Variants in NOXRED1 observed in about 807,000 individuals in gnomAD.
NOXRED1 encodes the protein NADP dependent oxidoreductase domain containing 1.
In NOXRED1, 20 loss-of-function variants were observed where a neutral mutation model predicts 30.4. That is an observed-to-expected ratio of 0.66 (90% confidence interval 0.46 to 0.96). The LOEUF is 0.96. Ranked by LOEUF, NOXRED1 falls within the 40% of genes least tolerant of loss-of-function variation. The pLI, the probability that NOXRED1 is intolerant of heterozygous loss-of-function variation, is 0.00. For synonymous variants in NOXRED1, 155 were observed against 168.0 expected (o/e 0.92, Z 0.60); for missense variants, 374 against 428.0 (o/e 0.87, Z 1.11).
At chr14:77,414,688 A>G (rs1894765034) in intron 1 of NOXRED1, among the ~76,000 whole-genome samples, 1 of 152,192 alleles carries the variant, frequency 6.6e-6, no homozygotes, top group Non-Finnish European at 1.5e-5. Flanking sequence ...TTTTAAATGA[A>G]CATACTTTGT....
intron 1 of NOXRED1, among the ~76,000 whole-genome samples, chr14:77,421,141 T>C (rs1894983949): frequency 6.6e-6 from 1 of 152,188 alleles, no homozygotes; most frequent in South Asian, 2.1e-4. Context: ...AAGCCACAAA[T>C]TAGGCATTTT....
chr14:77,415,478 G>A (rs991828822), intron 1 of NOXRED1, among the ~76,000 whole-genome samples: 2 of 151,930 alleles, frequency 1.3e-5, no homozygotes, highest in Non-Finnish European at 2.9e-5. Context: ...GCTGAGGCAG[G>A]AGAATCTCTT....
chr14:77,406,957 C>G, intron 3 of NOXRED1, 82 bp from the exon 4 acceptor site: 1 of 1,263,550 alleles, frequency 7.9e-7, no homozygotes, highest in Non-Finnish European at 1.1e-6. Flanking sequence ...ACATCCAACC[C>G]CATCAACAGA....
chr14:77,419,699 C>A (rs1026655698), intron 1 of NOXRED1, among the ~76,000 whole-genome samples: 8 of 151,880 alleles, frequency 5.3e-5, no homozygotes, highest in African/African-American at 1.7e-4. Flanking sequence ...CCGCCCCCCT[C>A]AGCCTCCCAA....
intron 2 of NOXRED1, among the ~76,000 whole-genome samples, chr14:77,409,351 A>G (rs1400872953): frequency 6.6e-6 from 1 of 152,070 alleles, no homozygotes; most frequent in East Asian, 1.9e-4. Flanking sequence ...AGTTCTCATG[A>G]GAGCTGATGG....
intron 5 of NOXRED1, 146 bp downstream of exon 5, chr14:77,405,767 T>C: frequency 1.6e-6 from 1 of 608,694 alleles, no homozygotes; most frequent in Non-Finnish European, 2.9e-6. Flanking sequence ...GGATGGCATT[T>C]ACTTTTCCAC....
intron 2 of NOXRED1, among the ~76,000 whole-genome samples, chr14:77,412,980 A>G (rs2139688025): frequency 6.6e-6 from 1 of 152,158 alleles, no homozygotes; most frequent in Admixed American, 6.5e-5. Context: ...CCTTGTAGAC[A>G]AATTTTCTAC....
chr14:77,408,892 A>ATTTTTTTTTTGTTTTTTTTTTTTTT (rs1894556904), intron 2 of NOXRED1, among the ~76,000 whole-genome samples: 1 of 68,154 alleles, frequency 1.5e-5, no homozygotes, highest in Non-Finnish European at 2.7e-5. Flanking sequence ...CTGGTAGTTA[A>ATTTTTTTTTTGTTTTTTTTTTTTTT]TTTTTTTTTT....
chr14:77,400,644 A>G (rs1278860542), intron 5 of NOXRED1, among the ~76,000 whole-genome samples: 1 of 152,200 alleles, frequency 6.6e-6, no homozygotes, highest in Admixed American at 6.5e-5. Context: ...TGAGCCTTTC[A>G]CTGAATACAC....
chr14:77,413,353 G>A (rs1235621962), intron 2 of NOXRED1, among the ~76,000 whole-genome samples: 2 of 150,796 alleles, frequency 1.3e-5, no homozygotes, highest in Non-Finnish European at 2.9e-5. Flanking sequence ...ATTCTCCTGC[G>A]TCAGCCTCCT....
intron 1 of NOXRED1, among the ~76,000 whole-genome samples, chr14:77,415,399 A>T (rs1454848295): frequency 6.6e-6 from 1 of 152,000 alleles, no homozygotes; most frequent in Admixed American, 6.6e-5. Flanking sequence ...GTGAAACCCC[A>T]TCTCTATTAA....
intron 1 of NOXRED1, among the ~76,000 whole-genome samples, chr14:77,415,631 T>TAGATAGATAGATAGACAGACAGACAGAC (rs1555363632): frequency 7.1e-6 from 1 of 141,314 alleles, no homozygotes; most frequent in African/African-American, 2.7e-5. Flanking sequence ...GATAGATAGA[T>TAGATAGATAGATAGACAGACAGACAGAC]AGACAGACAG....
intron 1 of NOXRED1, among the ~76,000 whole-genome samples, chr14:77,417,924 T>G (rs1894874640): frequency 6.6e-6 from 1 of 152,052 alleles, no homozygotes; most frequent in South Asian, 2.1e-4. Context: ...ATTTTCTTTT[T>G]GTTGTTGGTA....
intron 1 of NOXRED1, among the ~76,000 whole-genome samples, chr14:77,419,730 G>A (rs1482588278): frequency 6.6e-6 from 1 of 151,836 alleles, no homozygotes; most frequent in Non-Finnish European, 1.5e-5. Context: ...TTACAGGCGT[G>A]AGCCACCACA....
At chr14:77,421,338 C>T (rs176781) in intron 1 of NOXRED1, among the ~76,000 whole-genome samples, 66,310 of 152,018 alleles carry the variant, frequency 0.44, 16,896 homozygotes, top group East Asian at 0.93. Flanking sequence ...GTTAGTGTCT[C>T]GAGGTTACAG....
rs1566708952 is a variant in NOXRED1 at position 77,406,864 on chromosome 14, A to T, written c.542T>A (p.Leu181Gln). Reference sequence around the variant, plus strand: ...CCGCAAGATATTGGTGTGGTTCAACAGTAGTTTCAGCCTGGAAGTAAAGCC... The same window carrying T: ...CCGCAAGATATTGGTGTGGTTCAACTGTAGTTTCAGCCTGGAAGTAAAGCC... Reference protein sequence around the residue: ...AAIPLPRLKLLLNHTNILRPQ... With the variant: ...AAIPLPRLKLQLNHTNILRPQ... Residue 181 changes from leucine (L) to glutamine (Q), a missense_variant, in exon 4 of 6, where the codon CTG becomes CAG. By Grantham distance (113) the Leu-to-Gln change is moderately radical. Coordinates refer to ENST00000380835, the MANE Select transcript of NOXRED1 (RefSeq NM_001113475.3). The T allele has an allele frequency of 1.5e-5, 24 of 1,613,798 alleles. No individual in the cohort carries two copies. The highest frequency in any genetic ancestry group is 2.0e-5 in the Non-Finnish European group (24 of 1,179,846).
chr14:77,415,708 T>C (rs1035863800), intron 1 of NOXRED1, among the ~76,000 whole-genome samples: 3 of 151,166 alleles, frequency 2.0e-5, no homozygotes, highest in Non-Finnish European at 2.9e-5. Flanking sequence ...ACTGGAACTC[T>C]ATATGCTTTT....
At chr14:77,417,119 C>T (rs1894849388) in intron 1 of NOXRED1, among the ~76,000 whole-genome samples, 1 of 146,284 alleles carries the variant, frequency 6.8e-6, no homozygotes, top group Admixed American at 6.8e-5. Context: ...TCTGCTATTT[C>T]TAGTATCATT....
intron 5 of NOXRED1, among the ~76,000 whole-genome samples, chr14:77,400,755 T>C (rs1160977758): frequency 6.6e-6 from 1 of 152,240 alleles, no homozygotes; most frequent in Non-Finnish European, 1.5e-5. Flanking sequence ...AAGATTAATA[T>C]GCAAAAGTCA....
Sources: gnomAD v4.1 joint callset for allele counts (sites outside exome capture counted in the v4.1 genomes callset) on GRCh38, gnomAD v4.1.1 for gene constraint, MANE v1.5 for transcripts, NCBI Gene and HGNC (gene_info 2026-07-23, HGNC 2026-07-21) for gene names.